HEXD: variants seen among roughly 807,000 people sequenced by gnomAD.
The protein encoded by HEXD is N-acetyl-beta-galactosaminidase.
In HEXD, 47 loss-of-function variants were observed where a neutral mutation model predicts 54.2. The ratio of observed to expected loss-of-function variants is 0.87; its 90% CI spans 0.69 to 1.11. HEXD has a LOEUF of 1.11. Ranked by LOEUF, HEXD falls within the 50% of genes least tolerant of loss-of-function variation. HEXD has a pLI of 0.00. For synonymous variants in HEXD, 293 were observed against 287.6 expected (o/e 1.02, Z -0.19); for missense variants, 576 against 649.2 (o/e 0.89, Z 1.23).
intron 9 of HEXD, chr17:82,440,421 C>T: frequency 3.8e-6 from 3 of 780,412 alleles, no homozygotes; most frequent in Non-Finnish European, 5.3e-6. Flanking sequence ...TAAAAACAGA[C>T]ACCCCTGTAC....
chr17:82,441,769 C>G, intron 11 of HEXD, 31 bp from the exon 12 acceptor site: 2 of 1,590,842 alleles, frequency 1.3e-6, no homozygotes, highest in Non-Finnish European at 1.7e-6. Flanking sequence ...CTTGGTAGCC[C>G]GCGGCACACC....
intron 3 of HEXD, among the ~76,000 whole-genome samples, chr17:82,424,890 G>A (rs951427643): frequency 3.3e-5 from 5 of 152,014 alleles, no homozygotes; most frequent in African/African-American, 1.2e-4. Context: ...AGAAGGCTGG[G>A]CTAGAGAAGG....
intron 4 of HEXD, among the ~76,000 whole-genome samples, chr17:82,431,782 G>T (rs1242959584): frequency 6.6e-6 from 1 of 152,102 alleles, no homozygotes; most frequent in African/African-American, 2.4e-5. Flanking sequence ...CTGCATGTGG[G>T]CCCTGAGAGT....
At chr17:82,440,884 G>A in intron 9 of HEXD, 113 bp from the exon 10 acceptor site, 3 of 1,220,146 alleles carry the variant, frequency 2.5e-6, no homozygotes, top group Admixed American at 4.1e-5. Flanking sequence ...CTGGCCAGTG[G>A]CTCTCCATTG....
chr17:82,439,575 T>C, intron 8 of HEXD, 56 bp from the exon 9 acceptor site: 3 of 1,500,878 alleles, frequency 2.0e-6, no homozygotes, highest in Non-Finnish European at 2.7e-6. Context: ...TCAGGGCGCC[T>C]GCGTCAGGCT....
At position 82,434,768 on chromosome 17, in the gene HEXD, G is replaced by A. The variant is rs550095425; in HGVS notation, c.448-921G>A. Reference sequence around the variant, plus strand: ...CACGAGAATCGCTTGAACCCAGGAGGTGAAGGTTGCAGTGAGCTGAGATCA... The same window carrying A: ...CACGAGAATCGCTTGAACCCAGGAGATGAAGGTTGCAGTGAGCTGAGATCA... On this transcript the variant is annotated intron_variant, in intron 5 of 12. Coordinates refer to ENST00000327949, the MANE Select transcript of HEXD (RefSeq NM_001330542.2). This position sits in a 1 kb window ranked among gnomAD's most constrained non-coding sequence, Gnocchi z 4.5. Among the ~76,000 whole-genome samples the A allele has an allele frequency of 3.7e-3, 558 of 152,018 alleles. 5 individuals carry two copies. The highest frequency in any genetic ancestry group is 0.012 in the African/African-American group (514 of 41,422).
At position 82,442,156 on chromosome 17, in the gene HEXD, T is replaced by C. The variant is rs1180571690; in HGVS notation, c.1254-21T>C. On this transcript the variant is annotated intron_variant, in intron 12 of 12. Transcript: ENST00000327949. The surrounding 1 kb of genome is among the most constrained non-coding windows in gnomAD (Gnocchi z 6.8). ...AGTCCCAAGTGTGCAGACTGTGCGT[T>C]CATGGCGCCCTCACCTGCAGCCTCC... 1 of 1,587,826 alleles carries C rather than the reference T, an allele frequency of 6.3e-7. No homozygotes were observed. Among genetic ancestry groups the C allele is most frequent in the South Asian group, 1.1e-5 (1 of 90,544 alleles).
Position 82,424,400 on chromosome 17 carries a change from C to T in HEXD, c.91C>T (p.Pro31Ser). 6.2e-7 allele frequency: 1 copy of T among 1,613,240 alleles called. No homozygotes were observed. The highest frequency in any genetic ancestry group is 8.5e-7 in the Non-Finnish European group (1 of 1,179,236). ...PKVSYLSEIFPLFRALGANGL... is the reference protein window; with the variant it reads ...PKVSYLSEIFSLFRALGANGL... ...CTCCCTGTTTACCCCCCAGATTTTT[C>T]CTCTGTTCCGTGCGCTAGGTGCAAA... Residue 31 changes from proline to serine, a missense_variant, in exon 3 of 13, where the codon CCT becomes TCT. By Grantham distance (74) the Pro-to-Ser change is moderately conservative. Transcript: ENST00000327949.
rs112891350 is a variant in HEXD, at chr17:82,436,295, C to T, written c.632-372C>T. 3.9e-3 allele frequency among the ~76,000 whole-genome samples: 592 copies of T among 152,368 alleles called. 2 individuals are homozygous for T. The highest frequency in any genetic ancestry group is 0.014 in the African/African-American group (565 of 41,592). On this transcript the variant is annotated intron_variant, in intron 6 of 12. Transcript: ENST00000327949. ...CCTGGCCTGGTTCCACACAGAGCCC[C>T]GAGGCTCAGTGAGCTCCATAGCAGA... is the stretch of plus-strand genomic sequence containing the variant.
At chr17:82,426,211 AGG>A (rs1305647066) in intron 3 of HEXD, 1 of 152,346 alleles carries the variant, frequency 6.6e-6, no homozygotes, top group Non-Finnish European at 1.5e-5. Flanking sequence ...TTTGGGCAGT[AGG>A]GCTTCTGCCT....
At chr17:82,431,966 T>C (rs1358072005) in intron 4 of HEXD, among the ~76,000 whole-genome samples, 1 of 152,228 alleles carries the variant, frequency 6.6e-6, no homozygotes, top group Non-Finnish European at 1.5e-5. Context: ...GCATTTAACC[T>C]GCAGGACCTG....
chr17:82,433,094 ATATATATATATATAT>A (rs1567890414), intron 4 of HEXD, among the ~76,000 whole-genome samples: 11 of 8,318 alleles, frequency 1.3e-3, no homozygotes, highest in African/African-American at 0.012. Flanking sequence ...AAAAAAAAAT[ATATATATATATATAT>A]ATATATATAT....
rs543214262 is a variant in HEXD at position 82,433,507 on chromosome 17, C to A, written c.283-151C>A. On this transcript the variant is annotated intron_variant, in intron 4 of 12. Coordinates refer to ENST00000327949, the MANE Select transcript of HEXD (RefSeq NM_001330542.2). ...TCAAACATTCTACCCACCTCAGCCC[C>A]CACAAGGTGCTGGGATTACAGGACT... is the stretch of plus-strand genomic sequence containing the variant. The A allele has an allele frequency of 2.2e-5, 15 of 677,478 alleles. No homozygotes were observed. In the Admixed American group the frequency reaches 5.3e-4, roughly 24 times the overall value. The allele number at this position is 677,478 out of a possible 1,614,324, so 42.0% of individuals were successfully genotyped here.
In HEXD at chr17:82,442,380, C is replaced by G; in HGVS notation, c.1457C>G (p.Pro486Arg). 6.2e-7 allele frequency: 1 copy of G among 1,610,058 alleles called. No individual in the cohort carries two copies. The change falls in exon 13 of 13, where the codon CCC becomes CGC. Residue 486 changes from proline (P) to arginine (R), a missense_variant. Coordinates refer to ENST00000327949, the MANE Select transcript of HEXD (RefSeq NM_001330542.2). This position sits in a 1 kb window ranked among gnomAD's most constrained non-coding sequence, Gnocchi z 6.8. ...TSPGRDVAQD[P>R] ...CCTGGCAGGGACGTTGCTCAGGACC[C>G]CTGAGGGGAGAGCTCATGCCAGGGG...
intron 3 of HEXD, chr17:82,427,227 CAGG>C (rs2053443291): frequency 6.6e-6 from 1 of 151,944 alleles, no homozygotes; most frequent in African/African-American, 2.4e-5. Context: ...TGCATGAACT[CAGG>C]AGGCAGAAGT....
In HEXD at chr17:82,442,161, G is replaced by A; in HGVS notation, c.1254-16G>A. 1 of 1,589,156 alleles carries A rather than the reference G, an allele frequency of 6.3e-7. No homozygotes were observed. The highest frequency in any genetic ancestry group is 8.5e-7 in the Non-Finnish European group (1 of 1,170,726). On this transcript the variant is annotated splice_polypyrimidine_tract_variant and intron_variant, in intron 12 of 12. Transcript: ENST00000327949. This position sits in a 1 kb window ranked among gnomAD's most constrained non-coding sequence, Gnocchi z 6.8. Reference sequence around the variant, plus strand: ...CAAGTGTGCAGACTGTGCGTTCATGGCGCCCTCACCTGCAGCCTCCTGGCA... The same window carrying A: ...CAAGTGTGCAGACTGTGCGTTCATGACGCCCTCACCTGCAGCCTCCTGGCA...
chr17:82,440,711 C>T, intron 9 of HEXD: 1 of 481,084 alleles, frequency 2.1e-6, no homozygotes. Context: ...GGGCTGCGCC[C>T]AGCAGGAAGA....
Position 82,427,669 on chromosome 17 carries a change from G to A in HEXD, c.195-889G>A, listed in dbSNP as rs545534146. ...TGATGTGAAAAAGTAAAGTACCAGG[G>A]TTCCTTCGAAGCTTGAAACAGGAAT... On this transcript the variant is annotated intron_variant, in intron 3 of 12. Transcript: ENST00000327949. Among the ~76,000 whole-genome samples, 9 of 152,292 alleles carry A rather than the reference G, an allele frequency of 5.9e-5. 1 individual carries two copies. In the South Asian group the frequency reaches 1.9e-3, roughly 32 times the overall value.
chr17:82,429,581 C>G (rs1417944000), intron 4 of HEXD, among the ~76,000 whole-genome samples: 1 of 152,122 alleles, frequency 6.6e-6, no homozygotes, highest in Non-Finnish European at 1.5e-5. Flanking sequence ...ATGTCTCTGC[C>G]AAGGCCGCCA....
Sources: allele counts gnomAD v4.1 joint callset (sites outside exome capture counted in the v4.1 genomes callset), GRCh38; gene constraint gnomAD v4.1.1; non-coding constraint Gnocchi (gnomAD v3.1); transcripts MANE v1.5; gene names NCBI Gene and HGNC (gene_info 2026-07-23, HGNC 2026-07-21).